SPATA13: variants seen among roughly 807,000 people sequenced by gnomAD.
SPATA13 encodes spermatogenesis associated 13, also known as spermatogenesis-associated protein 13.
A neutral mutation model predicts 104.0 loss-of-function variants in SPATA13; 50 were observed. The observed-to-expected ratio is 0.48, with a 90% confidence interval of 0.38 to 0.61. The LOEUF is 0.61. Ranked by LOEUF, SPATA13 falls within the 20% of genes least tolerant of loss-of-function variation. The pLI is 0.00. For synonymous variants in SPATA13, 606 were observed against 667.5 expected, an observed-to-expected ratio of 0.91 and a Z score of 1.42; for missense variants, 1,524 against 1,690.6, an observed-to-expected ratio of 0.90 and a Z score of 1.73.
chr13:24,044,224 T>A (rs1878043630), intron 3 of SPATA13, among the ~76,000 whole-genome samples: 1 of 118,550 alleles, frequency 8.4e-6, no homozygotes, highest in Non-Finnish European at 1.8e-5. Context: ...AATTTGTTTT[T>A]CTTTCTTTCT....
chr13:24,211,679 C>A (rs1871022465), intron 1 of SPATA13, among the ~76,000 whole-genome samples: 1 of 152,158 alleles, frequency 6.6e-6, no homozygotes, highest in African/African-American at 2.4e-5. Flanking sequence ...TTGACTCTCT[C>A]CCCATCACCT....
In SPATA13 at chr13:24,304,305, T is replaced by A. The variant is rs967967079; in HGVS notation, c.*1532T>A. On this transcript the variant is annotated 3_prime_UTR_variant, in exon 13 of 13. Transcript: ENST00000382108. ...TCCTTTTCTTTGTCTATGTTGTACA[T>A]TTTCATGATATAACTTTTAACTATG... 1.3e-5 allele frequency: 2 copies of A among 152,244 alleles called. No individual in the cohort carries two copies. 9.4% of individuals were successfully genotyped at this position (152,244 alleles called of 1,614,324 possible).
intron 3 of SPATA13, among the ~76,000 whole-genome samples, chr13:24,134,568 T>G (rs1423790520): frequency 8.4e-5 from 12 of 142,844 alleles, no homozygotes; most frequent in Non-Finnish European, 1.8e-4. Flanking sequence ...AATTGGTTTG[T>G]TTTTTTAGCA....
intron 3 of SPATA13, among the ~76,000 whole-genome samples, chr13:24,075,576 T>C (rs1879297766): frequency 1.3e-5 from 2 of 152,236 alleles, no homozygotes; most frequent in Admixed American, 6.5e-5. Flanking sequence ...CTGATGAGAT[T>C]AGTCATAATG....
At position 24,136,837 on chromosome 13, in the gene SPATA13, A is replaced by T. The variant is rs183438420; in HGVS notation, c.-111-85982A>T. ...AATATGTTCTTTATTTTATTTATTT[A>T]TTTTTTTTTTGAGACGGAGTCTCGC... On this transcript the variant is annotated intron_variant, in intron 3 of 14. Coordinates refer to the SPATA13 transcript ENST00000424834. Among the ~76,000 whole-genome samples the T allele has an allele frequency of 4.5e-4, 48 of 106,446 alleles. 16 individuals are homozygous for T. In the East Asian group the frequency reaches 9.5e-3, roughly 21 times the overall value. The allele number at this position is 106,446 out of a possible 152,430, so 69.8% of individuals were successfully genotyped here.
intron 3 of SPATA13, among the ~76,000 whole-genome samples, chr13:24,043,036 AG>A (rs1170476104): frequency 6.6e-6 from 1 of 152,240 alleles, no homozygotes; most frequent in Non-Finnish European, 1.5e-5. Flanking sequence ...GTATTGGCTC[AG>A]TTGAGTGGAA....
intron 2 of SPATA13, among the ~76,000 whole-genome samples, chr13:24,231,060 C>T (rs989614078): frequency 1.3e-5 from 2 of 152,154 alleles, no homozygotes; most frequent in Admixed American, 6.6e-5. Context: ...ACTTGGCTCC[C>T]CCCAGAAGGC....
chr13:24,264,752 T>A (rs1184030537), intron 4 of SPATA13, among the ~76,000 whole-genome samples: 1 of 152,140 alleles, frequency 6.6e-6, no homozygotes, highest in African/African-American at 2.4e-5. Flanking sequence ...AGAAGTGAAA[T>A]CTGTACTAGG....
In SPATA13 at chr13:24,077,528, C is replaced by T. The variant is rs570435637; in HGVS notation, c.-112+59827C>T. ...AAAAATTTCCTATCAGGTACAATCA[C>T]CATTTGGAGAATGGACACTGGAAGC... On this transcript the variant is annotated intron_variant, in intron 3 of 14. Coordinates refer to the SPATA13 transcript ENST00000424834. Among the ~76,000 whole-genome samples the T allele has an allele frequency of 3.9e-5, 6 of 152,086 alleles. No homozygotes were observed. The South Asian group carries it at 1.2e-3, about 32-fold the overall frequency.
At chr13:24,248,853 A>G (rs1873308445) in intron 2 of SPATA13, among the ~76,000 whole-genome samples, 1 of 149,568 alleles carries the variant, frequency 6.7e-6, no homozygotes, top group South Asian at 2.1e-4. Flanking sequence ...TATAAAGTTC[A>G]TTTTACTAAT....
At chr13:23,989,823 G>T (rs1460857244) in intron 2 of SPATA13, among the ~76,000 whole-genome samples, 1 of 152,146 alleles carries the variant, frequency 6.6e-6, no homozygotes, top group African/African-American at 2.4e-5. Flanking sequence ...TGATGAACAG[G>T]GTTGGTGCCC....
chr13:24,028,804 T>G (rs1484472898), intron 3 of SPATA13, among the ~76,000 whole-genome samples: 2 of 152,228 alleles, frequency 1.3e-5, no homozygotes, highest in African/African-American at 4.8e-5. Flanking sequence ...ACTGTTGCTT[T>G]GAGTTTTTCA....
Position 24,289,134 on chromosome 13 carries a change from G to T in SPATA13, c.2803G>T (p.Glu935Ter). The T allele has an allele frequency of 6.2e-7, 1 of 1,612,210 alleles. No homozygotes were observed. The highest frequency in any genetic ancestry group is 8.5e-7 in the Non-Finnish European group (1 of 1,179,600). ...AGACCTTGAGAAACAGTACAACAAA[G>T]AGGAACCTCACTTAAGTGAAATAGG... Reference protein sequence around the residue: ...LKDLEKQYNKEEPHLSEIGSC... With the variant: ...LKDLEKQYNK Residue 935 changes from glutamate (E) to a stop codon, truncating the protein, a stop_gained, in exon 8 of 13, where the codon GAG becomes TAG. Coordinates refer to ENST00000382108, the MANE Select transcript of SPATA13 (RefSeq NM_001166271.3). LOFTEE classifies it high-confidence loss of function.
In SPATA13 at chr13:24,160,827, A is replaced by T; in HGVS notation, c.-217A>T. 1.0e-6 allele frequency: 1 copy of T among 985,272 alleles called. No homozygotes were observed. The highest frequency in any genetic ancestry group is 1.2e-6 in the Non-Finnish European group (1 of 829,868). 61.0% of individuals were successfully genotyped at this position (985,272 alleles called of 1,614,324 possible). On this transcript the variant is annotated 5_prime_UTR_variant, in exon 1 of 13. Coordinates refer to ENST00000382108, the MANE Select transcript of SPATA13 (RefSeq NM_001166271.3). ...GCGCACTGGATCCCAGGCTCCTCCG[A>T]GAGTGCGGCGACCTCGGGGCTCCGC...
At chr13:24,188,655 A>G (rs924941981) in intron 1 of SPATA13, among the ~76,000 whole-genome samples, 3 of 152,244 alleles carry the variant, frequency 2.0e-5, no homozygotes, top group Admixed American at 1.3e-4. Context: ...AGCTGAAGCA[A>G]GTTCTTCAGA....
intron 3 of SPATA13, among the ~76,000 whole-genome samples, chr13:24,078,266 C>T (rs752243630): frequency 1.7e-4 from 26 of 152,296 alleles, no homozygotes; most frequent in Non-Finnish European, 3.2e-4. Context: ...GAGCCAGACA[C>T]GCCTCTGTTT....
chr13:24,208,525 C>T (rs1386689557), intron 1 of SPATA13, among the ~76,000 whole-genome samples: 1 of 150,176 alleles, frequency 6.7e-6, no homozygotes, highest in Non-Finnish European at 1.5e-5. Flanking sequence ...TGACAGCTCA[C>T]ATTGGCTTTT....
intron 1 of SPATA13, among the ~76,000 whole-genome samples, chr13:24,208,215 C>A (rs1870818695): frequency 1.3e-5 from 2 of 152,164 alleles, no homozygotes; most frequent in Admixed American, 6.5e-5. Context: ...CTGGTGGCCT[C>A]CCAGAATAGT....
intron 3 of SPATA13, among the ~76,000 whole-genome samples, chr13:24,084,581 T>A (rs1306660669): frequency 6.6e-6 from 1 of 152,104 alleles, no homozygotes; most frequent in African/African-American, 2.4e-5. Flanking sequence ...CAGCTGGAGA[T>A]GAATTTGTGC....
Sources: gnomAD v4.1 joint callset for allele counts (sites outside exome capture counted in the v4.1 genomes callset) on GRCh38, gnomAD v4.1.1 for gene constraint, MANE v1.5 for transcripts, NCBI Gene and HGNC (gene_info 2026-07-23, HGNC 2026-07-21) for gene names.